The following TENM4 variants were observed in gnomAD, a reference collection of about 807,000 sequenced individuals.
The protein encoded by TENM4 is teneurin transmembrane protein 4.
TENM4 carries 82 observed loss-of-function variants against 243.3 expected under a neutral mutation model. That is an observed-to-expected ratio of 0.34 (90% CI 0.28 to 0.40). The LOEUF (loss-of-function observed/expected upper bound fraction) is 0.40, where lower values mean the gene tolerates loss of function less well. TENM4 is among the 10% of genes least tolerant of loss of function. TENM4 has a pLI of 1.00. For synonymous variants in TENM4, 1,412 were observed against 1,456.3 expected (o/e 0.97, Z 0.69); for missense variants, 3,138 against 3,673.3 (o/e 0.85, Z 3.77).
intron 14 of TENM4, 48 bp from the exon 15 acceptor site, chr11:78,805,540 G>T: frequency 1.3e-6 from 2 of 1,543,426 alleles, no homozygotes; most frequent in African/African-American, 1.4e-5. Context: ...GACCAGCAAA[G>T]GTGAGGCTTC....
intron 1 of TENM4, among the ~76,000 whole-genome samples, chr11:79,338,968 A>G (rs142618881): frequency 6.6e-6 from 1 of 152,334 alleles, no homozygotes; most frequent in African/African-American, 2.4e-5. Flanking sequence ...TGGGGCTAGA[A>G]ACCCAAAGGC....
intron 6 of TENM4, among the ~76,000 whole-genome samples, chr11:78,938,050 C>T (rs944437438): frequency 1.3e-5 from 2 of 152,182 alleles, no homozygotes; most frequent in South Asian, 4.1e-4. Flanking sequence ...TCATCCTTCA[C>T]CCTGATAATT....
chr11:79,280,630 C>T (rs529401484), intron 2 of TENM4, among the ~76,000 whole-genome samples: 103 of 152,314 alleles, frequency 6.8e-4, no homozygotes, highest in African/African-American at 1.4e-3. Context: ...CCCATCTCTC[C>T]GTGTCCCTGC....
intron 27 of TENM4, among the ~76,000 whole-genome samples, chr11:78,704,619 AC>A (rs1269152085): frequency 1.3e-5 from 2 of 152,194 alleles, no homozygotes; most frequent in Admixed American, 1.3e-4. Context: ...ACAGTGGGAT[AC>A]CAATTGGGGA....
chr11:79,365,557 G>C (rs1857662068), intron 1 of TENM4, among the ~76,000 whole-genome samples: 1 of 152,184 alleles, frequency 6.6e-6, no homozygotes, highest in African/African-American at 2.4e-5. Context: ...GTCTATTCCA[G>C]AAACATTTTT....
chr11:79,329,479 C>T (rs1229761537), intron 1 of TENM4, among the ~76,000 whole-genome samples: 3 of 152,182 alleles, frequency 2.0e-5, no homozygotes, highest in Non-Finnish European at 2.9e-5. Flanking sequence ...ACATAAAAGA[C>T]ATGAGGAGCT....
At chr11:78,878,328 T>C (rs1178135964) in intron 9 of TENM4, among the ~76,000 whole-genome samples, 3 of 152,130 alleles carry the variant, frequency 2.0e-5, no homozygotes, top group Admixed American at 2.0e-4. Flanking sequence ...TTTTCGGCCC[T>C]CATGGAGCTC....
intron 1 of TENM4, among the ~76,000 whole-genome samples, chr11:79,335,990 A>G (rs888332208): frequency 1.2e-4 from 18 of 151,852 alleles, no homozygotes; most frequent in African/African-American, 3.9e-4. Flanking sequence ...TTCCCTGTCT[A>G]AGCTCCCTGA....
chr11:78,782,229 C>G (rs527837414), intron 16 of TENM4, among the ~76,000 whole-genome samples: 1 of 130,186 alleles, frequency 7.7e-6, no homozygotes, highest in African/African-American at 3.1e-5. Context: ...GAGGCTGAAG[C>G]CGGTGGATCA....
intron 3 of TENM4, among the ~76,000 whole-genome samples, chr11:79,165,302 C>T (rs1565231818): frequency 6.6e-6 from 1 of 152,096 alleles, no homozygotes; most frequent in Non-Finnish European, 1.5e-5. Context: ...ATGCCAATAT[C>T]TATTACTTTT....
chr11:79,104,279 G>T (rs1261190258), intron 4 of TENM4, among the ~76,000 whole-genome samples: 1 of 152,212 alleles, frequency 6.6e-6, no homozygotes, highest in Non-Finnish European at 1.5e-5. Context: ...AGGTATTCAA[G>T]AAATTTTTGT....
At chr11:79,012,054 C>T (rs895562834) in intron 6 of TENM4, among the ~76,000 whole-genome samples, 3 of 152,204 alleles carry the variant, frequency 2.0e-5, no homozygotes, top group South Asian at 2.1e-4. Flanking sequence ...CTGCAATCCA[C>T]GTTGCCAGCC....
chr11:78,708,586 T>G, intron 26 of TENM4, 71 bp from the exon 27 acceptor site: 1 of 1,541,162 alleles, frequency 6.5e-7, no homozygotes, highest in Non-Finnish European at 8.8e-7. Context: ...CCTGGAGCCT[T>G]GCTAACTGAC....
intron 18 of TENM4, among the ~76,000 whole-genome samples, chr11:78,769,780 G>A (rs1270521031): frequency 6.6e-6 from 1 of 152,248 alleles, no homozygotes; most frequent in Non-Finnish European, 1.5e-5. Flanking sequence ...GATTTAGGCA[G>A]CAGGTGGAAG....
chr11:78,974,814 G>A (rs1237224483), intron 6 of TENM4, among the ~76,000 whole-genome samples: 4 of 150,590 alleles, frequency 2.7e-5, no homozygotes, highest in Non-Finnish European at 5.9e-5. Flanking sequence ...AGCCACCCAA[G>A]TAGCTGGGAT....
At position 79,347,713 on chromosome 11, in the gene TENM4, G is replaced by T. The variant is rs867423295; in HGVS notation, c.-320-50170C>A. 1.3e-5 allele frequency among the ~76,000 whole-genome samples: 2 copies of T among 150,700 alleles called. 1 individual carries two copies. Among genetic ancestry groups the T allele is most frequent in the South Asian group, 4.2e-4 (2 of 4,780 alleles). On this transcript the variant is annotated intron_variant, in intron 1 of 33. Transcript: ENST00000278550. ...CTGTCTATAAAAACAGGAACATGCAGCTGGAGTAATGTAGTATAAATCAGA... is the reference window on the plus strand; with the variant it reads ...CTGTCTATAAAAACAGGAACATGCATCTGGAGTAATGTAGTATAAATCAGA...
intron 3 of TENM4, among the ~76,000 whole-genome samples, chr11:79,188,749 G>A (rs1863421984): frequency 6.6e-6 from 1 of 152,010 alleles, no homozygotes; most frequent in South Asian, 2.1e-4. Context: ...GGGATGAGAA[G>A]GGGCTGGGGT....
At chr11:79,129,397 A>C (rs1861951296) in intron 4 of TENM4, among the ~76,000 whole-genome samples, 1 of 152,198 alleles carries the variant, frequency 6.6e-6, no homozygotes. Context: ...GGGAGGGCAC[A>C]AATCTGGTGT....
At chr11:79,024,763 T>C (rs1859032463) in intron 6 of TENM4, among the ~76,000 whole-genome samples, 1 of 152,222 alleles carries the variant, frequency 6.6e-6, no homozygotes, top group Non-Finnish European at 1.5e-5. Flanking sequence ...CCTTTATGTA[T>C]TACTGCAGAG....
Sources: allele counts gnomAD v4.1 joint callset (sites outside exome capture counted in the v4.1 genomes callset), GRCh38; gene constraint gnomAD v4.1.1; transcripts MANE v1.5; gene names NCBI Gene and HGNC (gene_info 2026-07-23, HGNC 2026-07-21).